The following MCC variants were observed in gnomAD, a reference collection of about 807,000 sequenced individuals.
The protein encoded by MCC is MCC regulator of Wnt signaling pathway.
Under a neutral mutation model 116.2 loss-of-function variants are expected in MCC, and 90 were observed. That is an observed-to-expected ratio of 0.77 (90% CI 0.65 to 0.92). The LOEUF (loss-of-function observed/expected upper bound fraction) is 0.92. Ranked by LOEUF, MCC falls within the 40% of genes least tolerant of loss-of-function variation. MCC has a pLI of 0.00. For synonymous variants in MCC, 578 were observed against 510.5 expected (o/e 1.13, Z -1.78); for missense variants, 1,516 against 1,312.2 (o/e 1.16, Z -2.40).
intron 3 of MCC, among the ~76,000 whole-genome samples, chr5:113,201,203 C>T (rs1449368948): frequency 4.6e-5 from 7 of 151,900 alleles, no homozygotes; most frequent in South Asian, 4.2e-4. Flanking sequence ...CTGACCAACA[C>T]GGAGAAACCC....
At chr5:113,104,082 G>T in intron 7 of MCC, 110 bp downstream of exon 7, 5 of 1,142,838 alleles carry the variant, frequency 4.4e-6, no homozygotes, top group Admixed American at 5.1e-5. Context: ...GGCTCTCATG[G>T]AAACATTCAT....
In MCC at chr5:113,187,155, C is replaced by T. The variant is rs141549805; in HGVS notation, c.628-35733G>A. 6.9e-4 allele frequency among the ~76,000 whole-genome samples: 105 copies of T among 152,298 alleles called. 1 individual carries two copies. The highest frequency in any genetic ancestry group is 2.5e-3 in the African/African-American group (103 of 41,560). On this transcript the variant is annotated intron_variant, in intron 3 of 18. Transcript: ENST00000408903. ...TTTATCCTCCACTCCTCATATGCCC[C>T]ATCACTACTAGCAGTTTTTTTCAAC... is the stretch of plus-strand genomic sequence containing the variant.
chr5:113,284,409 T>C (rs1246031854), intron 3 of MCC, among the ~76,000 whole-genome samples: 1 of 152,228 alleles, frequency 6.6e-6, no homozygotes, highest in Non-Finnish European at 1.5e-5. Context: ...TGATCTGTAA[T>C]AATGTTGTAT....
At chr5:113,215,637 T>C (rs1387151209) in intron 3 of MCC, among the ~76,000 whole-genome samples, 1 of 152,122 alleles carries the variant, frequency 6.6e-6, no homozygotes, top group African/African-American at 2.4e-5. Context: ...GTTCTTCCCC[T>C]CCAATGGATG....
intron 8 of MCC, among the ~76,000 whole-genome samples, chr5:113,090,536 C>T (rs1260655786): frequency 1.3e-5 from 2 of 151,914 alleles, no homozygotes; most frequent in South Asian, 2.1e-4. Flanking sequence ...GGGCATTGGC[C>T]GAAACAAAAT....
At chr5:113,322,140 G>T (rs1370411315) in intron 3 of MCC, among the ~76,000 whole-genome samples, 5 of 152,118 alleles carry the variant, frequency 3.3e-5, no homozygotes, top group Non-Finnish European at 7.4e-5. Flanking sequence ...CCCATGATTT[G>T]TATTTCTAAC....
At chr5:113,258,435 A>G (rs1765099908) in intron 3 of MCC, among the ~76,000 whole-genome samples, 1 of 152,262 alleles carries the variant, frequency 6.6e-6, no homozygotes, top group African/African-American at 2.4e-5. Context: ...AGCTGCAGTC[A>G]GCCAGCATTA....
At chr5:113,060,224 G>A (rs1431195224) in intron 14 of MCC, among the ~76,000 whole-genome samples, 1 of 152,128 alleles carries the variant, frequency 6.6e-6, no homozygotes, top group African/African-American at 2.4e-5. Flanking sequence ...AGCATGATTT[G>A]GCTCACCACA....
At chr5:113,287,471 T>C (rs1488564090) in intron 3 of MCC, among the ~76,000 whole-genome samples, 2 of 152,038 alleles carry the variant, frequency 1.3e-5, no homozygotes, top group African/African-American at 4.8e-5. Flanking sequence ...GGATTACAAG[T>C]GCCCGCCACC....
At chr5:113,166,935 G>T (rs1159223497) in intron 3 of MCC, among the ~76,000 whole-genome samples, 1 of 152,136 alleles carries the variant, frequency 6.6e-6, no homozygotes, top group Non-Finnish European at 1.5e-5. Context: ...ATTCAGGCTT[G>T]CTCTAAATGT....
At chr5:113,128,405 G>A (rs889609938) in intron 5 of MCC, among the ~76,000 whole-genome samples, 1 of 152,174 alleles carries the variant, frequency 6.6e-6, no homozygotes, top group African/African-American at 2.4e-5. Flanking sequence ...TTCTTTTAAA[G>A]AACAAAGTTT....
Position 113,329,383 on chromosome 5 carries a change from T to TAC in MCC, c.627+11134_627+11135dup, listed in dbSNP as rs3068955. Among the ~76,000 whole-genome samples the TAC allele has an allele frequency of 3.2e-3, 483 of 150,254 alleles. 1 individual carries two copies. Among genetic ancestry groups the TAC allele is most frequent in the South Asian group, 9.3e-3 (44 of 4,710 alleles). On this transcript the variant is annotated intron_variant, in intron 3 of 18. Coordinates refer to ENST00000408903, the MANE Select transcript of MCC (RefSeq NM_001085377.2). ...AAAGATGGTGAATAAACTATATATA[T>TAC]ACACACACACACACACACAGAAACA...
intron 17 of MCC, among the ~76,000 whole-genome samples, chr5:113,029,385 T>A (rs779313145): frequency 1.3e-5 from 2 of 149,168 alleles, no homozygotes; most frequent in Non-Finnish European, 3.0e-5. Flanking sequence ...CAGCAATGAG[T>A]GCGGCCTGAC....
intron 3 of MCC, among the ~76,000 whole-genome samples, chr5:113,176,785 C>G (rs746799404): frequency 4.6e-5 from 7 of 152,236 alleles, no homozygotes; most frequent in African/African-American, 1.7e-4. Flanking sequence ...CCTCCACGTC[C>G]CTCTTATCGA....
intron 2 of MCC, among the ~76,000 whole-genome samples, chr5:113,359,797 T>C (rs1321584325): frequency 2.9e-5 from 4 of 138,452 alleles, no homozygotes; most frequent in African/African-American, 8.2e-5. Flanking sequence ...TTTCACTTCA[T>C]AGAAGATAAA....
intron 5 of MCC, among the ~76,000 whole-genome samples, chr5:113,136,448 T>C (rs1758833172): frequency 1.3e-5 from 2 of 152,052 alleles, no homozygotes; most frequent in African/African-American, 2.4e-5. Context: ...TAGAATTACT[T>C]GGTTGAGGAC....
chr5:113,354,929 T>C (rs1489256485), intron 2 of MCC, among the ~76,000 whole-genome samples: 1 of 152,006 alleles, frequency 6.6e-6, no homozygotes, highest in Non-Finnish European at 1.5e-5. Context: ...TCTTTTTTTC[T>C]GTCTCAATAT....
chr5:113,069,595 G>C (rs137881207), intron 12 of MCC, among the ~76,000 whole-genome samples: 1 of 152,194 alleles, frequency 6.6e-6, no homozygotes, highest in Non-Finnish European at 1.5e-5. Context: ...TTGAGACGGA[G>C]TCTCGCTCTG....
intron 3 of MCC, among the ~76,000 whole-genome samples, chr5:113,248,033 G>A (rs1764641346): frequency 6.6e-6 from 1 of 151,952 alleles, no homozygotes. Context: ...ATAGTTAGGG[G>A]GCTGGAAGAA....
Sources: allele counts gnomAD v4.1 joint callset (sites outside exome capture counted in the v4.1 genomes callset), GRCh38; gene constraint gnomAD v4.1.1; transcripts MANE v1.5; gene names NCBI Gene and HGNC (gene_info 2026-07-23, HGNC 2026-07-21).